Variants in COX7B2 observed in about 807,000 individuals in gnomAD.
The protein encoded by COX7B2 is cytochrome c oxidase subunit 7B2.
For missense variants in COX7B2, 109 were observed against 95.9 expected, an observed-to-expected ratio of 1.14 and a Z score of -0.57; for synonymous variants, 37 against 32.1, an observed-to-expected ratio of 1.15 and a Z score of -0.51.
intron 2 of COX7B2, among the ~76,000 whole-genome samples, chr4:46,746,233 TG>T (rs1187797779): frequency 2.0e-5 from 3 of 152,328 alleles, no homozygotes; most frequent in Admixed American, 2.0e-4. Flanking sequence ...AAGAACAATG[TG>T]GGTAGAAATT....
intron 1 of COX7B2, among the ~76,000 whole-genome samples, chr4:46,906,329 T>C (rs1174280259): frequency 6.6e-6 from 1 of 152,198 alleles, no homozygotes; most frequent in African/African-American, 2.4e-5. Context: ...CAAAGAGAAC[T>C]AATTCCTTTT....
chr4:46,814,838 A>G (rs1455996690), intron 2 of COX7B2, among the ~76,000 whole-genome samples: 1 of 152,188 alleles, frequency 6.6e-6, no homozygotes, highest in Non-Finnish European at 1.5e-5. Flanking sequence ...TAACAATTCT[A>G]TCATTCTTCT....
intron 2 of COX7B2, among the ~76,000 whole-genome samples, chr4:46,823,583 T>C (rs1254556832): frequency 1.3e-5 from 2 of 151,048 alleles, no homozygotes; most frequent in African/African-American, 4.8e-5. Context: ...AAATACAATA[T>C]ATAAAAATTG....
chr4:46,758,014 A>T (rs1715901518), intron 2 of COX7B2, among the ~76,000 whole-genome samples: 1 of 152,024 alleles, frequency 6.6e-6, no homozygotes, highest in Admixed American at 6.6e-5. Flanking sequence ...TTGCAGCTAC[A>T]ATACTTTATG....
rs116679663 is a variant in COX7B2, at chr4:46,807,043, A to C, written c.-50+37917T>G. On this transcript the variant is annotated intron_variant, in intron 2 of 2. Coordinates refer to ENST00000355591, the MANE Select transcript of COX7B2 (RefSeq NM_130902.3). ...CCTTTGTATATACGGCCAGAAGAGG[A>C]ATTACTTGATGATACTGTACTTCTA... 1.6e-3 allele frequency among the ~76,000 whole-genome samples: 241 copies of C among 151,980 alleles called. 1 individual carries two copies. The Middle Eastern group carries it at 0.02, about 13-fold the overall frequency.
At chr4:46,860,035 C>T (rs1009933081) in intron 1 of COX7B2, among the ~76,000 whole-genome samples, 1 of 152,184 alleles carries the variant, frequency 6.6e-6, no homozygotes, top group African/African-American at 2.4e-5. Flanking sequence ...GCCATGAATA[C>T]TCCCTGGATG....
At chr4:46,803,948 T>C (rs1191375149) in intron 2 of COX7B2, among the ~76,000 whole-genome samples, 1 of 152,194 alleles carries the variant, frequency 6.6e-6, no homozygotes, top group Non-Finnish European at 1.5e-5. Context: ...TTGGTCTCAC[T>C]GACTTCAAGA....
At chr4:46,846,818 C>T (rs991535038) in intron 1 of COX7B2, among the ~76,000 whole-genome samples, 1 of 151,778 alleles carries the variant, frequency 6.6e-6, no homozygotes, top group African/African-American at 2.4e-5. Context: ...TTCTGATAAG[C>T]TAGATGTGGG....
chr4:46,860,650 A>T (rs1487082472), intron 1 of COX7B2, among the ~76,000 whole-genome samples: 1 of 152,146 alleles, frequency 6.6e-6, no homozygotes, highest in Non-Finnish European at 1.5e-5. Context: ...AGTACATCTG[A>T]CCAACTATAT....
intron 2 of COX7B2, among the ~76,000 whole-genome samples, chr4:46,753,285 G>A (rs1715520925): frequency 1.3e-5 from 2 of 151,848 alleles, no homozygotes; most frequent in Admixed American, 1.3e-4. Flanking sequence ...ATTTTTTATT[G>A]CATCTATTTG....
intron 1 of COX7B2, among the ~76,000 whole-genome samples, chr4:46,904,437 A>C (rs1385793595): frequency 6.6e-6 from 1 of 152,204 alleles, no homozygotes; most frequent in Non-Finnish European, 1.5e-5. Flanking sequence ...CCCTTAAAGA[A>C]ATGCAAAGAT....
chr4:46,849,329 T>C (rs577333568), intron 1 of COX7B2, among the ~76,000 whole-genome samples: 50 of 152,238 alleles, frequency 3.3e-4, no homozygotes, highest in African/African-American at 1.2e-3. Context: ...ATCTCTGACA[T>C]TGTGAAACAC....
intron 1 of COX7B2, among the ~76,000 whole-genome samples, chr4:46,868,915 T>G (rs959844756): frequency 6.6e-6 from 1 of 152,174 alleles, no homozygotes. Context: ...GTTCAGGTCC[T>G]GAATATCTTT....
Position 46,738,018 on chromosome 4 carries a change from A to G in COX7B2, c.-49-2777T>C, listed in dbSNP as rs146944221. On this transcript the variant is annotated intron_variant, in intron 2 of 2. Transcript: ENST00000355591. ...TAGTCATGAATCTTCCCACCCAAAG[A>G]CACCAAGGTTTTCATTTGAATTGAA... Among the ~76,000 whole-genome samples, 435 of 152,256 alleles carry G rather than the reference A, an allele frequency of 2.9e-3. 2 individuals are homozygous for G. The highest frequency in any genetic ancestry group is 0.01 in the African/African-American group (421 of 41,566).
At chr4:46,812,407 C>T (rs1028312876) in intron 2 of COX7B2, among the ~76,000 whole-genome samples, 1 of 151,790 alleles carries the variant, frequency 6.6e-6, no homozygotes, top group African/African-American at 2.4e-5. Context: ...GCTCAGGCCC[C>T]AGAAACTTGG....
At chr4:46,885,335 G>A (rs899431353) in intron 1 of COX7B2, among the ~76,000 whole-genome samples, 1 of 152,074 alleles carries the variant, frequency 6.6e-6, no homozygotes, top group Non-Finnish European at 1.5e-5. Flanking sequence ...TGTGTATAAA[G>A]CTGTGTAGTA....
intron 1 of COX7B2, among the ~76,000 whole-genome samples, chr4:46,879,298 T>C (rs1171821303): frequency 2.0e-5 from 3 of 152,158 alleles, no homozygotes; most frequent in Non-Finnish European, 4.4e-5. Context: ...GTCCTACTTA[T>C]AGCCATGTAC....
At chr4:46,897,313 A>C (rs531363030) in intron 1 of COX7B2, among the ~76,000 whole-genome samples, 1 of 152,168 alleles carries the variant, frequency 6.6e-6, no homozygotes, top group Non-Finnish European at 1.5e-5. Flanking sequence ...AAATGAATCG[A>C]TATCTCTCCA....
intron 1 of COX7B2, among the ~76,000 whole-genome samples, chr4:46,893,303 T>C (rs967490902): frequency 6.6e-6 from 1 of 152,184 alleles, no homozygotes; most frequent in Non-Finnish European, 1.5e-5. Context: ...TATAGCATTT[T>C]ACACAAGTGG....
Sources: allele counts gnomAD v4.1 joint callset (sites outside exome capture counted in the v4.1 genomes callset), GRCh38; gene constraint gnomAD v4.1.1; transcripts MANE v1.5; gene names NCBI Gene and HGNC (gene_info 2026-07-23, HGNC 2026-07-21).